PPM1H: variants seen among roughly 807,000 people sequenced by gnomAD.
PPM1H encodes protein phosphatase 1H.
PPM1H carries 27 observed loss-of-function variants against 54.9 expected under a neutral mutation model. That is an observed-to-expected ratio of 0.49 (90% CI 0.36 to 0.68). The LOEUF (loss-of-function observed/expected upper bound fraction) is 0.68. Ranked by LOEUF, PPM1H falls within the 30% of genes least tolerant of loss-of-function variation. The probability of loss-of-function intolerance (pLI) is 0.00; values close to 1 mark genes in which losing one functional copy is unlikely to be tolerated. For synonymous variants in PPM1H, 305 were observed against 270.8 expected (o/e 1.13, Z -1.24); for missense variants, 596 against 667.8 (o/e 0.89, Z 1.19).
chr12:62,737,657 G>A (rs1463660729), intron 4 of PPM1H, 71 bp from the exon 5 acceptor site: 2 of 1,102,198 alleles, frequency 1.8e-6, no homozygotes, highest in Non-Finnish European at 1.3e-6. Context: ...ACCATTGCTT[G>A]GTTCAGGTCA....
At chr12:62,849,682 T>C (rs1313361782) in intron 1 of PPM1H, among the ~76,000 whole-genome samples, 1 of 152,096 alleles carries the variant, frequency 6.6e-6, no homozygotes, top group African/African-American at 2.4e-5. Flanking sequence ...GACTATAAAA[T>C]TCAAAGTACT....
intron 9 of PPM1H, among the ~76,000 whole-genome samples, chr12:62,659,920 G>A (rs969349016): frequency 6.6e-6 from 1 of 152,112 alleles, no homozygotes; most frequent in Admixed American, 6.5e-5. Flanking sequence ...ACCTCCTTTG[G>A]TCAGTTCCCT....
intron 1 of PPM1H, among the ~76,000 whole-genome samples, chr12:62,864,188 C>T (rs1050853176): frequency 1.3e-5 from 2 of 152,268 alleles, no homozygotes; most frequent in African/African-American, 2.4e-5. Context: ...AATTAGCCCA[C>T]CCAAAATGTC....
chr12:62,744,636 T>C (rs1592575721), intron 4 of PPM1H, among the ~76,000 whole-genome samples: 2 of 152,198 alleles, frequency 1.3e-5, no homozygotes, highest in Non-Finnish European at 2.9e-5. Flanking sequence ...TCTGATTCCA[T>C]GCCCGAATCC....
chr12:62,924,578 T>A (rs1871914742), intron 1 of PPM1H, among the ~76,000 whole-genome samples: 1 of 152,222 alleles, frequency 6.6e-6, no homozygotes, highest in Non-Finnish European at 1.5e-5. Flanking sequence ...ACTGGTCTTA[T>A]TTTTTCTAAG....
chr12:62,663,766 C>T (rs1005206043), intron 9 of PPM1H, among the ~76,000 whole-genome samples: 11 of 152,040 alleles, frequency 7.2e-5, no homozygotes, highest in East Asian at 1.9e-4. Flanking sequence ...CCGAGGTGGG[C>T]GCATCACCTG....
At chr12:62,717,121 G>A (rs2076239052) in intron 6 of PPM1H, among the ~76,000 whole-genome samples, 1 of 152,212 alleles carries the variant, frequency 6.6e-6, no homozygotes, top group African/African-American at 2.4e-5. Context: ...TTATAGGTAT[G>A]AGCCACTGTG....
chr12:62,660,322 A>T (rs1376599173), intron 9 of PPM1H, among the ~76,000 whole-genome samples: 1 of 152,248 alleles, frequency 6.6e-6, no homozygotes, highest in Non-Finnish European at 1.5e-5. Context: ...GTTTGACAAC[A>T]GAAATAGAAA....
intron 1 of PPM1H, among the ~76,000 whole-genome samples, chr12:62,863,442 G>C (rs186348419): frequency 6.6e-6 from 1 of 152,136 alleles, no homozygotes; most frequent in East Asian, 1.9e-4. Context: ...AATGCAAAAG[G>C]GTGTCTAATA....
At chr12:62,805,907 T>C (rs908915778) in intron 2 of PPM1H, among the ~76,000 whole-genome samples, 7 of 152,208 alleles carry the variant, frequency 4.6e-5, no homozygotes, top group African/African-American at 1.7e-4. Context: ...TTAACTTGAT[T>C]GTGGCAGTCA....
At chr12:62,667,123 C>T in intron 9 of PPM1H, 55 bp downstream of exon 9, 2 of 1,477,572 alleles carry the variant, frequency 1.4e-6, no homozygotes, top group Non-Finnish European at 1.9e-6. Flanking sequence ...TAATTTCAGG[C>T]ATGTCATGGA....
chr12:62,880,938 C>T (rs946149552), intron 1 of PPM1H, among the ~76,000 whole-genome samples: 24 of 152,134 alleles, frequency 1.6e-4, no homozygotes, highest in African/African-American at 4.3e-4. Flanking sequence ...GACCCACGTT[C>T]GTGAGCAGGA....
intron 2 of PPM1H, among the ~76,000 whole-genome samples, chr12:62,810,405 C>T (rs1592610810): frequency 1.3e-5 from 2 of 152,302 alleles, no homozygotes; most frequent in East Asian, 3.9e-4. Context: ...ATTGCCATCT[C>T]TGGCTGTACT....
chr12:62,796,501 T>C (rs757664698), intron 3 of PPM1H, among the ~76,000 whole-genome samples: 10 of 152,272 alleles, frequency 6.6e-5, no homozygotes, highest in Non-Finnish European at 1.2e-4. Context: ...TTACTTACAT[T>C]TGCTAGTTCA....
chr12:62,876,290 T>C lies in PPM1H; in HGVS notation c.246-44011A>G, dbSNP rs551665177. ...GACAAAACAAAACCATCTCTACAGA[T>C]GTCAGCAGACAAGTATGCTTAGTAT... On this transcript the variant is annotated intron_variant, in intron 1 of 9. Coordinates refer to ENST00000228705, the MANE Select transcript of PPM1H (RefSeq NM_020700.2). 6.2e-4 allele frequency among the ~76,000 whole-genome samples: 94 copies of C among 152,326 alleles called. 1 individual carries two copies. Among genetic ancestry groups the C allele is most frequent in the African/African-American group, 1.9e-3 (81 of 41,574 alleles).
intron 2 of PPM1H, among the ~76,000 whole-genome samples, chr12:62,803,315 A>T (rs1406588247): frequency 6.6e-6 from 1 of 152,196 alleles, no homozygotes; most frequent in African/African-American, 2.4e-5. Context: ...TGTTTGAATT[A>T]CACACGTGTT....
In PPM1H at chr12:62,929,548, G is replaced by A. The variant is rs114900582; in HGVS notation, c.245+4944C>T. ...TGCTGTAACCTTAATTGAAAGCACT[G>A]TATAGTGGGGTCATAGCAGAGATGC... On this transcript the variant is annotated intron_variant, in intron 1 of 9. Transcript: ENST00000228705. 5.8e-3 allele frequency among the ~76,000 whole-genome samples: 889 copies of A among 152,248 alleles called. 13 individuals carry two copies. The highest frequency in any genetic ancestry group is 0.02 in the African/African-American group (834 of 41,526).
chr12:62,810,798 T>C lies in PPM1H; in HGVS notation c.412-8638A>G, dbSNP rs192327427. Among the ~76,000 whole-genome samples the C allele has an allele frequency of 7.9e-4, 121 of 152,344 alleles. 1 individual carries two copies. The East Asian group carries it at 8.1e-3, about 10-fold the overall frequency. On this transcript the variant is annotated intron_variant, in intron 2 of 9. Transcript: ENST00000228705. ...TACTATGTGACCTTGGGGAAGTTAC[T>C]TAACTTCTCTCAACTCCATTTCCTT...
intron 4 of PPM1H, among the ~76,000 whole-genome samples, chr12:62,778,020 G>C (rs2076621300): frequency 6.6e-6 from 1 of 152,140 alleles, no homozygotes; most frequent in Admixed American, 6.5e-5. Flanking sequence ...TGTAATCCTA[G>C]CTACTCAGAA....
Sources: gnomAD v4.1 joint callset for allele counts (sites outside exome capture counted in the v4.1 genomes callset) on GRCh38, gnomAD v4.1.1 for gene constraint, MANE v1.5 for transcripts, NCBI Gene and HGNC (gene_info 2026-07-23, HGNC 2026-07-21) for gene names.